The following ETV1 variants were observed in gnomAD, a reference collection of about 807,000 sequenced individuals.
ETV1 encodes the protein ETS variant transcription factor 1.
A neutral mutation model predicts 62.3 loss-of-function variants in ETV1; 27 were observed. That is an observed-to-expected ratio of 0.43 (90% CI 0.32 to 0.60). ETV1 has a LOEUF of 0.60. Among genes scored for constraint, ETV1 ranks in the 20% least tolerant of loss-of-function variants. ETV1 has a pLI of 0.06. For synonymous variants in ETV1, 222 were observed against 199.6 expected (o/e 1.11, Z -0.94); for missense variants, 605 against 605.8 (o/e 1.00, Z 0.01).
At chr7:13,970,083 C>T (rs1325305496) in intron 6 of ETV1, among the ~76,000 whole-genome samples, 1 of 151,358 alleles carries the variant, frequency 6.6e-6, no homozygotes. Context: ...AGTGAAACCC[C>T]GTCTCTACTA....
intron 9 of ETV1, among the ~76,000 whole-genome samples, chr7:13,928,976 G>C (rs1388330944): frequency 6.6e-6 from 1 of 152,114 alleles, no homozygotes; most frequent in Non-Finnish European, 1.5e-5. Context: ...TTCATTTCTA[G>C]AGCACAAAAA....
rs760633247 is a variant in ETV1, at chr7:13,906,511, A to G, written c.1029T>C (p.Ala343=). Residue 343 remains alanine, a synonymous_variant, in exon 12 of 14, where the codon GCT becomes GCC. Coordinates refer to ENST00000430479, the MANE Select transcript of ETV1 (RefSeq NM_004956.5). ...GSLQLWQFLV[A]LLDDPSNSHF... ...GAGAATTTGAAGGGTCATCCAGAAG[A>G]GCTACCAAAAACTGCCAGAGCTGAA... 177 of 1,611,612 alleles carry G rather than the reference A, an allele frequency of 1.1e-4. No individual in the cohort carries two copies. Among genetic ancestry groups the G allele is most frequent in the Non-Finnish European group, 1.4e-4 (167 of 1,178,926 alleles).
intron 6 of ETV1, among the ~76,000 whole-genome samples, chr7:13,949,741 ATC>A (rs1486935121): frequency 4.6e-5 from 7 of 152,238 alleles, no homozygotes; most frequent in African/African-American, 1.7e-4. Flanking sequence ...CTAAACTGCT[ATC>A]AAAATGCAAA....
chr7:13,934,701 A>G (rs1455413093), intron 8 of ETV1, among the ~76,000 whole-genome samples: 1 of 152,206 alleles, frequency 6.6e-6, no homozygotes, highest in Non-Finnish European at 1.5e-5. Flanking sequence ...TACCAATTAT[A>G]CACCTGAGGT....
chr7:13,896,201 G>T, intron 13 of ETV1, 114 bp from the exon 14 acceptor site: 2 of 712,154 alleles, frequency 2.8e-6, no homozygotes, highest in Non-Finnish European at 4.6e-6. Flanking sequence ...GGTAACTCTG[G>T]CCCAAAAAAG....
In ETV1 at chr7:13,900,805, G is replaced by C; in HGVS notation, c.1145C>G (p.Pro382Arg). 2 of 1,610,890 alleles carry C rather than the reference G, an allele frequency of 1.2e-6. No homozygotes were observed. Among genetic ancestry groups the C allele is most frequent in the Non-Finnish European group, 1.7e-6 (2 of 1,178,554 alleles). ...GCTAAGTTTATCATAGTTCATAGCT[G>C]GCCTGTTTTTCTGAATGCCCCAACG... is the stretch of plus-strand genomic sequence containing the variant. The part of the protein sequence containing the change: ...ARRWGIQKNR[P>R]AMNYDKLSRS... The change falls in exon 13 of 14, where the codon CCA becomes CGA. Residue 382 changes from proline to arginine, a missense_variant. This residue lies in a region of ETV1 where 100 missense variants were observed against 156.4 expected (regional missense o/e 0.64). Coordinates refer to ENST00000430479, the MANE Select transcript of ETV1 (RefSeq NM_004956.5).
At chr7:13,950,494 C>T (rs577146241) in intron 6 of ETV1, among the ~76,000 whole-genome samples, 43 of 152,140 alleles carry the variant, frequency 2.8e-4, no homozygotes, top group Admixed American at 8.5e-4. Flanking sequence ...GAAAAAGCCC[C>T]GGAAGTGATC....
chr7:13,974,646 T>C (rs1781236333), intron 6 of ETV1, among the ~76,000 whole-genome samples: 1 of 152,332 alleles, frequency 6.6e-6, no homozygotes, highest in Non-Finnish European at 1.5e-5. Flanking sequence ...TTTTGAAAGC[T>C]AGGATCAACA....
In ETV1 at chr7:13,977,470, A is replaced by C. The variant is rs960734050; in HGVS notation, c.192T>G (p.Pro64=). 94 of 1,542,194 alleles carry C rather than the reference A, an allele frequency of 6.1e-5. No homozygotes were observed. The highest frequency in any genetic ancestry group is 7.9e-5 in the Admixed American group (4 of 50,674). Reference sequence around the variant, plus strand: ...CTGGTACAAACTGCTCATCATTGTCAGGTACCTGAGCTGAAGAAGAAAAAG... The same window carrying C: ...CTGGTACAAACTGCTCATCATTGTCCGGTACCTGAGCTGAAGAAGAAAAAG... ...QETWLAEAQV[P]DNDEQFVPDY... The change falls in exon 6 of 14, where the codon CCT becomes CCG. Residue 64 remains proline, a synonymous_variant. Transcript: ENST00000430479.
Position 13,983,795 on chromosome 7 carries a change from A to G in ETV1, c.181+2843T>C, listed in dbSNP as rs898660173. On this transcript the variant is annotated intron_variant, in intron 5 of 13. Transcript: ENST00000430479. The stretch of plus-strand genomic sequence containing the variant: ...AGTTATATTCTCCACCAACATATTT[A>G]AATCTCTGTATGGGAATTAACTTTC... Among the ~76,000 whole-genome samples, 4 of 151,850 alleles carry G rather than the reference A, an allele frequency of 2.6e-5. No homozygotes were observed. The South Asian group carries it at 8.3e-4, about 31-fold the overall frequency.
upstream of ETV1, among the ~76,000 whole-genome samples, chr7:13,990,108 C>T (rs949425281): frequency 6.6e-6 from 1 of 152,154 alleles, no homozygotes; most frequent in East Asian, 1.9e-4. Context: ...CTCAGGATCT[C>T]CAACCTCTCT....
At chr7:13,969,500 C>G (rs1780652696) in intron 6 of ETV1, among the ~76,000 whole-genome samples, 1 of 152,108 alleles carries the variant, frequency 6.6e-6, no homozygotes, top group South Asian at 2.1e-4. Context: ...ATACTGCTGT[C>G]TTTATTTTAC....
chr7:13,901,509 C>A (rs1423130543), intron 12 of ETV1, among the ~76,000 whole-genome samples: 1 of 151,982 alleles, frequency 6.6e-6, no homozygotes, highest in East Asian at 1.9e-4. Flanking sequence ...GTTTTTCAGA[C>A]AAAAACTATA....
At chr7:13,930,915 C>T (rs1173876814) in intron 9 of ETV1, among the ~76,000 whole-genome samples, 1 of 151,898 alleles carries the variant, frequency 6.6e-6, no homozygotes, top group Non-Finnish European at 1.5e-5. Flanking sequence ...ATTCTCTTGC[C>T]TCAGCCTCCC....
intron 6 of ETV1, chr7:13,959,062 T>A (rs1403797793): frequency 6.7e-6 from 1 of 149,982 alleles, no homozygotes; most frequent in Non-Finnish European, 1.5e-5. Context: ...AAAAAAACTA[T>A]AGAATTTAGT....
At chr7:13,965,712 G>A (rs2128487980) in intron 6 of ETV1, among the ~76,000 whole-genome samples, 1 of 152,222 alleles carries the variant, frequency 6.6e-6, no homozygotes, top group South Asian at 2.1e-4. Context: ...TGAGATAGGA[G>A]TATCTAATAA....
At chr7:13,920,719 C>T (rs1468935570) in intron 9 of ETV1, among the ~76,000 whole-genome samples, 1 of 152,112 alleles carries the variant, frequency 6.6e-6, no homozygotes, top group African/African-American at 2.4e-5. Flanking sequence ...TCACTAGAGC[C>T]AATGCCACTT....
chr7:13,911,198 T>C (rs765109066), intron 10 of ETV1, 41 bp downstream of exon 10: 16 of 1,383,668 alleles, frequency 1.2e-5, no homozygotes, highest in Middle Eastern at 3.5e-4. Flanking sequence ...CTGATTATTC[T>C]GAACGGTATT....
chr7:13,926,909 T>C (rs1257025846), intron 9 of ETV1, among the ~76,000 whole-genome samples: 1 of 152,174 alleles, frequency 6.6e-6, no homozygotes, highest in African/African-American at 2.4e-5. Flanking sequence ...GCATTTTTTA[T>C]CTTAAATATT....
Sources: allele counts gnomAD v4.1 joint callset (sites outside exome capture counted in the v4.1 genomes callset), GRCh38; gene constraint gnomAD v4.1.1; regional missense constraint gnomAD v4.1.1; transcripts MANE v1.5; gene names NCBI Gene and HGNC (gene_info 2026-07-23, HGNC 2026-07-21).